The following FOXP2 variants were observed in gnomAD, a reference collection of about 807,000 sequenced individuals.
The protein encoded by FOXP2 is forkhead box protein P2.
FOXP2 carries 12 observed loss-of-function variants against 115.8 expected under a neutral mutation model. The ratio of observed to expected loss-of-function variants is 0.10; its 90% CI spans 0.07 to 0.17. The LOEUF is 0.17. Ranked by LOEUF, FOXP2 falls within the 10% of genes least tolerant of loss-of-function variation. The pLI, the probability that FOXP2 is intolerant of heterozygous loss-of-function variation, is 1.00. For synonymous variants in FOXP2, 328 were observed against 297.7 expected, an observed-to-expected ratio of 1.10 and a Z score of -1.05; for missense variants, 629 against 843.5, an observed-to-expected ratio of 0.75 and a Z score of 3.15.
intron 3 of FOXP2, among the ~76,000 whole-genome samples, chr7:114,581,395 T>A (rs975080593): frequency 6.6e-6 from 1 of 152,014 alleles, no homozygotes; most frequent in African/African-American, 2.4e-5. Context: ...TTGCCCAGGC[T>A]GGTCTTGAAC....
rs900280466 is a variant in FOXP2 at position 114,647,640 on chromosome 7, T to C, written c.1094+2851T>C. 5.8e-4 allele frequency among the ~76,000 whole-genome samples: 88 copies of C among 151,988 alleles called. 1 individual carries two copies. Among genetic ancestry groups the C allele is most frequent in the African/African-American group, 2.4e-5 (1 of 41,436 alleles). On this transcript the variant is annotated intron_variant, in intron 8 of 16. Transcript: ENST00000350908. Reference sequence around the variant, plus strand: ...GAAGCTAACCATTTTTCCTGACCACTAATTGAGTATCTCACTAGATCACTA... The same window carrying C: ...GAAGCTAACCATTTTTCCTGACCACCAATTGAGTATCTCACTAGATCACTA...
intron 7 of FOXP2, among the ~76,000 whole-genome samples, chr7:114,642,873 A>G (rs1805652709): frequency 7.3e-6 from 1 of 137,172 alleles, no homozygotes; most frequent in African/African-American, 2.7e-5. Flanking sequence ...CAGTGGCACA[A>G]TCTTGGCTCA....
chr7:114,652,180 T>C (rs1563060423), intron 8 of FOXP2, 23 bp from the exon 9 acceptor site: 1 of 1,610,326 alleles, frequency 6.2e-7, no homozygotes. Context: ...TTACATTCTG[T>C]TTTGTGTCTT....
chr7:114,096,015 C>T (rs1461444779), intron 1 of FOXP2, among the ~76,000 whole-genome samples: 1 of 152,076 alleles, frequency 6.6e-6, no homozygotes, highest in Non-Finnish European at 1.5e-5. Context: ...TTGGGTCTGC[C>T]AAAAAGTATA....
intron 1 of FOXP2, among the ~76,000 whole-genome samples, chr7:114,217,495 A>C (rs1482102117): frequency 6.6e-6 from 1 of 152,144 alleles, no homozygotes; most frequent in Admixed American, 6.5e-5. Flanking sequence ...GTCATGAGAC[A>C]CTTTTTTTTT....
Position 114,642,623 on chromosome 7 carries a change from G to C in FOXP2, c.989G>C (p.Ser330Thr). The C allele has an allele frequency of 6.2e-7, 1 of 1,611,108 alleles. No homozygotes were observed. Residue 330 changes from serine (S) to threonine (T), a missense_variant and splice_region_variant, in exon 7 of 17, where the codon AGC (serine) becomes ACC (threonine). Coordinates refer to ENST00000350908, the MANE Select transcript of FOXP2 (RefSeq NM_014491.4). ...TCAGTTCTAAGTGCAAGACGAGACA[G>C]GTAAATCTCATGAGCTTTATTCTAT... is the stretch of plus-strand genomic sequence containing the variant. ...QSSVLSARRDSSSHEETGASH... is the reference protein window; with the variant it reads ...QSSVLSARRDTSSHEETGASH...
At chr7:114,379,291 T>G (rs928332932) in intron 2 of FOXP2, among the ~76,000 whole-genome samples, 1 of 152,164 alleles carries the variant, frequency 6.6e-6, no homozygotes, top group African/African-American at 2.4e-5. Flanking sequence ...TTTAGTGAGC[T>G]CTCTGATTGG....
chr7:114,211,302 CCA>C (rs1198890094), intron 1 of FOXP2, among the ~76,000 whole-genome samples: 1 of 152,202 alleles, frequency 6.6e-6, no homozygotes, highest in Non-Finnish European at 1.5e-5. Flanking sequence ...TGCTGAGAAT[CCA>C]CACAGCTCTG....
intron 1 of FOXP2, among the ~76,000 whole-genome samples, chr7:114,113,649 G>A (rs1272159997): frequency 6.6e-6 from 1 of 152,086 alleles, no homozygotes; most frequent in Non-Finnish European, 1.5e-5. Context: ...GACAACAGGT[G>A]TGTACTACCA....
chr7:114,168,957 A>G (rs537931035), intron 1 of FOXP2, among the ~76,000 whole-genome samples: 1 of 152,196 alleles, frequency 6.6e-6, no homozygotes, highest in Non-Finnish European at 1.5e-5. Flanking sequence ...GGCAGCTTCC[A>G]TGTGGTATTG....
chr7:114,114,036 C>T (rs1016617045), intron 1 of FOXP2, among the ~76,000 whole-genome samples: 2 of 151,414 alleles, frequency 1.3e-5, no homozygotes, highest in African/African-American at 2.4e-5. Flanking sequence ...GGAAAACTCT[C>T]CAGTGAAATA....
Position 114,631,717 on chromosome 7 carries a change from A to G in FOXP2, c.775+12A>G, listed in dbSNP as rs768479487. 6.8e-6 allele frequency: 11 copies of G among 1,613,068 alleles called. No homozygotes were observed. In the Admixed American group the frequency reaches 1.3e-4, roughly 20 times the overall value. On this transcript the variant is annotated intron_variant, in intron 6 of 16. Transcript: ENST00000350908. ...ATCGCTGCCTCAAGGTACATACAAA[A>G]TGTTGTGCACTCTTCATTTCAAATC...
At chr7:114,336,556 C>T (rs527802927) in intron 2 of FOXP2, among the ~76,000 whole-genome samples, 5 of 151,596 alleles carry the variant, frequency 3.3e-5, no homozygotes, top group African/African-American at 1.2e-4. Context: ...AGAAATCCAT[C>T]TTGAAATAAG....
At chr7:114,526,275 G>A (rs1396005350) in intron 2 of FOXP2, among the ~76,000 whole-genome samples, 1 of 146,740 alleles carries the variant, frequency 6.8e-6, no homozygotes. Flanking sequence ...TCAGGAATTC[G>A]AGATCAGCCT....
At chr7:114,215,119 T>C (rs1394976540) in intron 1 of FOXP2, among the ~76,000 whole-genome samples, 2 of 152,160 alleles carry the variant, frequency 1.3e-5, no homozygotes, top group African/African-American at 4.8e-5. Context: ...ATTATTAATG[T>C]GAATCCTTAA....
At chr7:114,246,399 TAG>T (rs1246477226) in intron 1 of FOXP2, among the ~76,000 whole-genome samples, 1 of 152,116 alleles carries the variant, frequency 6.6e-6, no homozygotes, top group African/African-American at 2.4e-5. Context: ...AAAGCAGATC[TAG>T]AGTCTTTTTT....
At chr7:114,542,814 A>G (rs1228615746) in intron 3 of FOXP2, among the ~76,000 whole-genome samples, 1 of 147,956 alleles carries the variant, frequency 6.8e-6, no homozygotes, top group Non-Finnish European at 1.5e-5. Context: ...TTTTTGAGGC[A>G]GAATCTCACT....
chr7:114,521,812 C>A (rs1408861993), intron 2 of FOXP2, among the ~76,000 whole-genome samples: 1 of 151,998 alleles, frequency 6.6e-6, no homozygotes, highest in Non-Finnish European at 1.5e-5. Context: ...ACTAGTTGGT[C>A]CTCTACAGTC....
intron 2 of FOXP2, among the ~76,000 whole-genome samples, chr7:114,513,400 G>A (rs1167105024): frequency 6.6e-6 from 1 of 152,100 alleles, no homozygotes; most frequent in Non-Finnish European, 1.5e-5. Flanking sequence ...TAGTAAAGAA[G>A]TAGTTACCAG....
Sources: allele counts gnomAD v4.1 joint callset (sites outside exome capture counted in the v4.1 genomes callset), GRCh38; gene constraint gnomAD v4.1.1; transcripts MANE v1.5; gene names NCBI Gene and HGNC (gene_info 2026-07-23, HGNC 2026-07-21).